The following ASXL1 variants were observed in gnomAD, a reference collection of about 807,000 sequenced individuals.
The protein encoded by ASXL1 is polycomb group protein ASXL1.
In ASXL1, 65 loss-of-function variants were observed where a neutral mutation model predicts 89.1. That is an observed-to-expected ratio of 0.73 (90% CI 0.60 to 0.90). The LOEUF (loss-of-function observed/expected upper bound fraction) is 0.90, where lower values mean the gene tolerates loss of function less well. Ranked by LOEUF, ASXL1 falls within the 40% of genes least tolerant of loss-of-function variation. The probability of loss-of-function intolerance (pLI) is 0.00; values close to 1 mark genes in which losing one functional copy is unlikely to be tolerated. For missense variants in ASXL1, 1,786 were observed against 1,942.9 expected (o/e 0.92, Z 1.52); for synonymous variants, 739 against 746.9 (o/e 0.99, Z 0.17).
chr20:32,363,327 T>C (rs1250490508), intron 1 of ASXL1, among the ~76,000 whole-genome samples: 1 of 152,174 alleles, frequency 6.6e-6, no homozygotes, highest in Non-Finnish European at 1.5e-5. Flanking sequence ...AGAAATGTTA[T>C]CTGTGGCAGT....
At chr20:32,433,038 T>C in intron 11 of ASXL1, 53 bp downstream of exon 11, 1 of 1,605,728 alleles carries the variant, frequency 6.2e-7, no homozygotes, top group Non-Finnish European at 8.5e-7. Context: ...GGGATAGAGG[T>C]AGATGGTCTC....
At chr20:32,382,614 A>C (rs2122938118) in intron 4 of ASXL1, among the ~76,000 whole-genome samples, 1 of 150,714 alleles carries the variant, frequency 6.6e-6, no homozygotes, top group South Asian at 2.1e-4. Context: ...TCTACAAAAA[A>C]AAAAAAAAAA....
At chr20:32,411,758 G>A (rs990124771) in intron 4 of ASXL1, among the ~76,000 whole-genome samples, 2 of 150,388 alleles carry the variant, frequency 1.3e-5, no homozygotes, top group East Asian at 2.0e-4. Context: ...GGCTGGTCTC[G>A]AACTCCTGAC....
At chr20:32,422,456 G>T (rs1016154286) in intron 4 of ASXL1, among the ~76,000 whole-genome samples, 8 of 143,342 alleles carry the variant, frequency 5.6e-5, no homozygotes, top group African/African-American at 1.8e-4. Flanking sequence ...TTACCATCTA[G>T]TATGCAGTTC....
At chr20:32,431,286 A>G (rs558166782) in intron 8 of ASXL1, 35 bp from the exon 9 acceptor site, 1 of 1,614,144 alleles carries the variant, frequency 6.2e-7, no homozygotes, top group East Asian at 2.2e-5. Flanking sequence ...TTCTTTTAAA[A>G]AGCTGAAATC....
intron 4 of ASXL1, among the ~76,000 whole-genome samples, chr20:32,409,792 C>A (rs1164557546): frequency 6.6e-6 from 1 of 152,000 alleles, no homozygotes; most frequent in Non-Finnish European, 1.5e-5. Flanking sequence ...TTTACCTATT[C>A]TTTTCTAATG....
intron 8 of ASXL1, chr20:32,430,423 C>T (rs575857457): frequency 1.1e-3 from 307 of 270,642 alleles, no homozygotes; most frequent in Non-Finnish European, 7.5e-4. Flanking sequence ...TTGTTCCCAA[C>T]ATCTGTAGTC....
At chr20:32,369,504 G>A (rs185380595) in intron 4 of ASXL1, among the ~76,000 whole-genome samples, 69 of 151,582 alleles carry the variant, frequency 4.6e-4, no homozygotes, top group East Asian at 3.7e-3. Flanking sequence ...CACCTACCTC[G>A]GCCTCCCAAA....
At chr20:32,430,080 G>A (rs2123226434) in intron 8 of ASXL1, 27 bp downstream of exon 8, 2 of 1,598,450 alleles carry the variant, frequency 1.3e-6, no homozygotes, top group Non-Finnish European at 1.7e-6. Context: ...TTATTTCTCT[G>A]CCTGTAAAGG....
chr20:32,437,109 G>T lies in ASXL1; in HGVS notation c.4397G>T (p.Gly1466Val). The change falls in exon 13 of 13, where the codon GGC becomes GTC. Residue 1466 changes from glycine (G) to valine (V), a missense_variant. Transcript: ENST00000375687. ...YSSSSPTFPK[G>V]LAGSVVQLSH... Reference sequence around the variant, plus strand: ...TCTAGCTCTCCCACCTTTCCCAAAGGCCTTGCTGGAAGTGTGGTGCAGCTG... The same window carrying T: ...TCTAGCTCTCCCACCTTTCCCAAAGTCCTTGCTGGAAGTGTGGTGCAGCTG... 5.0e-6 allele frequency: 8 copies of T among 1,614,128 alleles called. No individual in the cohort carries two copies. The highest frequency in any genetic ancestry group is 6.8e-6 in the Non-Finnish European group (8 of 1,180,026).
intron 4 of ASXL1, among the ~76,000 whole-genome samples, chr20:32,400,177 G>C (rs1013535142): frequency 1.3e-4 from 19 of 151,922 alleles, no homozygotes; most frequent in African/African-American, 4.6e-4. Flanking sequence ...TAATGTCCTT[G>C]TGTACTCATT....
At chr20:32,389,581 CT>C (rs1227085376) in intron 4 of ASXL1, among the ~76,000 whole-genome samples, 4 of 152,160 alleles carry the variant, frequency 2.6e-5, no homozygotes, top group Non-Finnish European at 4.4e-5. Flanking sequence ...CACCGCCCCC[CT>C]GCCCCGCCTT....
intron 4 of ASXL1, among the ~76,000 whole-genome samples, chr20:32,401,560 CCT>C (rs2048875140): frequency 2.2e-5 from 3 of 134,824 alleles, no homozygotes; most frequent in Admixed American, 7.4e-5. Context: ...TCCCCCCCCC[CCT>C]TTTTTTTTTT....
In ASXL1 at chr20:32,437,407, G is replaced by A; in HGVS notation, c.*69G>A. 6.3e-7 allele frequency: 1 copy of A among 1,582,296 alleles called. No homozygotes were observed. Among genetic ancestry groups the A allele is most frequent in the Non-Finnish European group, 8.7e-7 (1 of 1,152,070 alleles). On this transcript the variant is annotated 3_prime_UTR_variant, in exon 13 of 13. Transcript: ENST00000375687. ...TTTGATAATGATTGATCTTAAATCT[G>A]TATACAGAATATCATTGATATAATA... is the stretch of plus-strand genomic sequence containing the variant.
At position 32,382,028 on chromosome 20, in the gene ASXL1, T is replaced by C. The variant is rs2048496193; in HGVS notation, c.252+12905T>C. Among the ~76,000 whole-genome samples, 3 of 149,876 alleles carry C rather than the reference T, an allele frequency of 2.0e-5. No individual in the cohort carries two copies. In the South Asian group the frequency reaches 6.4e-4, roughly 32 times the overall value. ...TGGAGTGCAATGGCGCGATCTCAGC[T>C]AACGGCAACCTCCACTTCCCGGGTT... On this transcript the variant is annotated intron_variant, in intron 4 of 12. Coordinates refer to ENST00000375687, the MANE Select transcript of ASXL1 (RefSeq NM_015338.6).
intron 4 of ASXL1, among the ~76,000 whole-genome samples, chr20:32,385,496 G>A (rs755304088): frequency 6.6e-6 from 1 of 152,170 alleles, no homozygotes; most frequent in Non-Finnish European, 1.5e-5. Flanking sequence ...TTGCTTGTAT[G>A]ATACTTCTTA....
At chr20:32,360,631 A>C (rs2048094170) in intron 1 of ASXL1, 1 of 154,376 alleles carries the variant, frequency 6.5e-6, no homozygotes, top group African/African-American at 2.4e-5. Flanking sequence ...ATGTCTTGAC[A>C]GAATTATGAA....
rs539671680 is a variant in ASXL1 at position 32,366,868 on chromosome 20, C to T, written c.140+402C>T. ...TCTTTTAGAATAAAAGAACAGTGGT[C>T]TCATCAACATAAAAAACCACTGACT... On this transcript the variant is annotated intron_variant, in intron 2 of 12. Transcript: ENST00000375687. 7.2e-5 allele frequency among the ~76,000 whole-genome samples: 11 copies of T among 152,204 alleles called. No individual in the cohort carries two copies. In the South Asian group the frequency reaches 2.3e-3, roughly 32 times the overall value.
intron 4 of ASXL1, among the ~76,000 whole-genome samples, chr20:32,405,987 T>C (rs1182497561): frequency 6.6e-6 from 1 of 152,148 alleles, no homozygotes; most frequent in Non-Finnish European, 1.5e-5. Context: ...TTAATAGTAA[T>C]ATATACAGTC....
Sources: gnomAD v4.1 joint callset for allele counts (sites outside exome capture counted in the v4.1 genomes callset) on GRCh38, gnomAD v4.1.1 for gene constraint, MANE v1.5 for transcripts, NCBI Gene and HGNC (gene_info 2026-07-23, HGNC 2026-07-21) for gene names.